The following ERCC2 variants were observed in gnomAD, a reference collection of about 807,000 sequenced individuals.
The protein encoded by ERCC2 is ERCC excision repair 2, TFIIH core complex helicase subunit.
A neutral mutation model predicts 99.4 loss-of-function variants in ERCC2; 90 were observed. The ratio of observed to expected loss-of-function variants is 0.91; its 90% CI spans 0.76 to 1.08. ERCC2 has a LOEUF of 1.08. Among genes scored for constraint, ERCC2 ranks in the 50% least tolerant of loss-of-function variants. ERCC2 has a pLI of 0.00. For synonymous variants in ERCC2, 497 were observed against 432.4 expected (o/e 1.15, Z -1.85); for missense variants, 993 against 1,038.1 (o/e 0.96, Z 0.60).
chr19:45,350,241 C>A lies in ERCC2; in HGVS notation c.*1388G>T. On this transcript the variant is annotated 3_prime_UTR_variant, in exon 23 of 23. Transcript: ENST00000391945. ...GTTCAAGACCAGCCTGGGCAACATA[C>A]CAAGACCCCTGTCTCTACAAAAAAA... 1.2e-6 allele frequency: 1 copy of A among 860,388 alleles called. No individual in the cohort carries two copies. 53.3% of individuals were successfully genotyped at this position (860,388 alleles called of 1,614,324 possible).
chr19:45,357,449 G>A (rs1364770136), intron 14 of ERCC2, 25 bp downstream of exon 14: 17 of 1,613,350 alleles, frequency 1.1e-5, no homozygotes, highest in Non-Finnish European at 1.4e-5. Context: ...TCAGGGACTA[G>A]GAGGGGACGG....
chr19:45,362,548 A>C (rs1372650289), intron 11 of ERCC2, among the ~76,000 whole-genome samples: 1 of 152,140 alleles, frequency 6.6e-6, no homozygotes, highest in East Asian at 1.9e-4. Context: ...GGGCAGTCAC[A>C]CTTGCAAACC....
chr19:45,351,547 T>C lies in ERCC2; in HGVS notation c.*82A>G. 6.2e-7 allele frequency: 1 copy of C among 1,606,476 alleles called. No individual in the cohort carries two copies. Among genetic ancestry groups the C allele is most frequent in the Non-Finnish European group, 8.5e-7 (1 of 1,179,668 alleles). ...AATGTCACCTGACTTCATAAGACCT[T>C]CTAGCACCACCGCCGCTGGGAACCA... is the stretch of plus-strand genomic sequence containing the variant. On this transcript the variant is annotated 3_prime_UTR_variant, in exon 23 of 23. Coordinates refer to ENST00000391945, the MANE Select transcript of ERCC2 (RefSeq NM_000400.4).
In ERCC2 at chr19:45,354,751, G is replaced by A. The variant is rs375824454; in HGVS notation, c.1644C>T (p.Thr548=). 111 of 1,613,884 alleles carry A rather than the reference G, an allele frequency of 6.9e-5. No homozygotes were observed. The Admixed American group carries it at 7.7e-4, about 11-fold the overall frequency. The part of the protein sequence containing the change: ...FFTSYQYMES[T]VASWYEQGIL... ...GTACCTGCTCATACCAGGAGGCCACGGTGCTCTCCATGTACTGGTAGCTGG... is the reference window on the plus strand; with the variant it reads ...GTACCTGCTCATACCAGGAGGCCACAGTGCTCTCCATGTACTGGTAGCTGG... Residue 548 remains threonine (T), a synonymous_variant, in exon 17 of 23, where the codon ACC becomes ACT. Transcript: ENST00000391945.
rs760820378 is a variant in ERCC2, at chr19:45,368,656, G to C, written c.334C>G (p.Arg112Gly). Reference protein sequence around the residue: ...LPFLGLALSSRKNLCIHPEVT... With the variant: ...LPFLGLALSSGKNLCIHPEVT... ...TCAGGGTGAATACACAAGTTTTTGC[G>C]GGAGCTCAGAGCCAGTCCCAGAAAC... is the stretch of plus-strand genomic sequence containing the variant. Residue 112 changes from arginine (R) to glycine (G), a missense_variant, in exon 5 of 23, where the codon CGC (arginine) becomes GGC (glycine). Transcript: ENST00000391945. 6 of 1,613,670 alleles carry C rather than the reference G, an allele frequency of 3.7e-6. No homozygotes were observed. The highest frequency in any genetic ancestry group is 5.1e-6 in the Non-Finnish European group (6 of 1,179,668).
intron 12 of ERCC2, 77 bp from the exon 13 acceptor site, chr19:45,357,776 T>G: frequency 7.6e-7 from 1 of 1,322,092 alleles, no homozygotes; most frequent in Non-Finnish European, 1.1e-6. Flanking sequence ...TTCCCTCTCC[T>G]GCTCCCTCGC....
At chr19:45,367,362 TATATATACACAC>T (rs900789059) in intron 5 of ERCC2, among the ~76,000 whole-genome samples, 3 of 55,962 alleles carry the variant, frequency 5.4e-5, no homozygotes, top group African/African-American at 1.5e-4. Flanking sequence ...AAAATATATA[TATATATACACAC>T]ACACACACAC....
rs2123295230 is a variant in ERCC2, at chr19:45,364,946, A to G, written c.486T>C (p.Asp162=). The G allele has an allele frequency of 6.2e-7, 1 of 1,613,980 alleles. No homozygotes were observed. The highest frequency in any genetic ancestry group is 2.2e-5 in the East Asian group (1 of 44,872). Residue 162 remains aspartate (D), a synonymous_variant, in exon 7 of 23, where the codon GAT becomes GAC. Transcript: ENST00000391945. The part of the protein sequence containing the change: ...LPHCRFYEEF[D]AHGREVPLPA... ...GGAGGGGCACCTCACGCCCATGGGC[A>G]TCAAATTCCTGGGACAAGAGTGCCA...
chr19:45,368,518 G>A (rs182501595), intron 5 of ERCC2, 112 bp downstream of exon 5: 331 of 755,292 alleles, frequency 4.4e-4, no homozygotes, highest in African/African-American at 4.2e-3. Context: ...TCTGTGTGTA[G>A]CCACTGCATG....
At chr19:45,355,794 C>A in intron 15 of ERCC2, 66 bp from the exon 16 acceptor site, 1 of 1,225,110 alleles carries the variant, frequency 8.2e-7, no homozygotes, top group East Asian at 2.3e-5. Context: ...GTGCTGACCA[C>A]CTGCTGGTGC....
chr19:45,356,260 A>C (rs1211753811), intron 15 of ERCC2, among the ~76,000 whole-genome samples: 1 of 152,124 alleles, frequency 6.6e-6, no homozygotes, highest in East Asian at 1.9e-4. Flanking sequence ...ACCGGTCCAC[A>C]ACCTCTGACA....
intron 21 of ERCC2, 30 bp from the exon 22 acceptor site, chr19:45,352,382 A>G (rs1568531485): frequency 6.2e-7 from 1 of 1,613,656 alleles, no homozygotes. Context: ...CCAGGGACAG[A>G]AGGTCATTCG....
intron 10 of ERCC2, 30 bp downstream of exon 10, chr19:45,363,956 A>G: frequency 6.7e-7 from 1 of 1,495,264 alleles, no homozygotes; most frequent in African/African-American, 2.1e-5. Context: ...CGGGAAAGGG[A>G]CTGGGGGGCA....
chr19:45,352,770 G>A lies in ERCC2; in HGVS notation c.1878C>T (p.Val626=), dbSNP rs891158158. ...RAVIMFGVPY[V]YTQSRILKAR... ...CCTTGAGAATGCGGCTCTGTGTGTA[G>A]ACGTAGGGGACGCCAAACATGATGA... The change falls in exon 20 of 23, where the codon GTC becomes GTT. Residue 626 remains valine (V), a synonymous_variant. Transcript: ENST00000391945. 1 of 1,613,918 alleles carries A rather than the reference G, an allele frequency of 6.2e-7. No individual in the cohort carries two copies. Among genetic ancestry groups the A allele is most frequent in the Non-Finnish European group, 8.5e-7 (1 of 1,179,878 alleles).
rs1972220331 is a variant in ERCC2 at position 45,361,560 on chromosome 19, C to G, written c.1201G>C (p.Ala401Pro). The change falls in exon 12 of 23, where the codon GCT becomes CCT. Residue 401 changes from alanine (A) to proline (P), a missense_variant. By Grantham distance (27) the Ala-to-Pro change is conservative. Transcript: ENST00000391945. ...GTGCTGACAAGGGTGGCAAAGTTAG[C>G]AAGGAGGGTGAGCGGGGAGAAGTCA... ...LADFSPLTLL[A>P]NFATLVSTYA... The G allele has an allele frequency of 6.2e-7, 1 of 1,613,896 alleles. No homozygotes were observed. Among genetic ancestry groups the G allele is most frequent in the African/African-American group, 1.3e-5 (1 of 75,008 alleles).
intron 5 of ERCC2, among the ~76,000 whole-genome samples, chr19:45,368,274 G>A (rs1972495778): frequency 6.6e-6 from 1 of 152,050 alleles, no homozygotes; most frequent in Non-Finnish European, 1.5e-5. Context: ...TTATGAAGCA[G>A]GTACATAATT....
At chr19:45,361,946 T>G in intron 11 of ERCC2, 1 of 378,726 alleles carries the variant, frequency 2.6e-6, no homozygotes, top group Non-Finnish European at 5.1e-6. Flanking sequence ...TTTCTTTTTT[T>G]TCTTTGTTCA....
chr19:45,353,375 C>T (rs1293040904), intron 17 of ERCC2, 41 bp from the exon 18 acceptor site: 4 of 1,409,606 alleles, frequency 2.8e-6, no homozygotes, highest in Non-Finnish European at 4.0e-6. Context: ...GTTCAGGGCA[C>T]AGCCATCCTG....
intron 5 of ERCC2, among the ~76,000 whole-genome samples, chr19:45,367,038 AAAT>A (rs1280846075): frequency 6.6e-6 from 1 of 152,104 alleles, no homozygotes; most frequent in Non-Finnish European, 1.5e-5. Context: ...TCCATTTCAA[AAAT>A]AATAATAATA....
Sources: gnomAD v4.1 joint callset for allele counts (sites outside exome capture counted in the v4.1 genomes callset) on GRCh38, gnomAD v4.1.1 for gene constraint, MANE v1.5 for transcripts, NCBI Gene and HGNC (gene_info 2026-07-23, HGNC 2026-07-21) for gene names.